CHODL: variants seen among roughly 807,000 people sequenced by gnomAD.
CHODL encodes chondrolectin, also known as transmembrane protein MT75.
A neutral mutation model predicts 34.5 loss-of-function variants in CHODL; 29 were observed. The ratio of observed to expected loss-of-function variants is 0.84; its 90% CI spans 0.63 to 1.15. The LOEUF is 1.15. Among genes scored for constraint, CHODL ranks in the 50% most tolerant of loss-of-function variants. The probability of loss-of-function intolerance (pLI) is 0.00; values close to 1 mark genes in which losing one functional copy is unlikely to be tolerated. For missense variants in CHODL, 332 were observed against 332.5 expected (o/e 1.00, Z 0.01); for synonymous variants, 125 against 116.1 (o/e 1.08, Z -0.49).
At chr21:18,193,745 A>C (rs955370243) in intron 2 of CHODL, among the ~76,000 whole-genome samples, 1 of 150,882 alleles carries the variant, frequency 6.6e-6, no homozygotes, top group Admixed American at 6.6e-5. Flanking sequence ...ATAAATAAAT[A>C]AAAAATAAAC....
At chr21:18,094,257 A>G (rs2146533915) in intron 2 of CHODL, among the ~76,000 whole-genome samples, 1 of 152,310 alleles carries the variant, frequency 6.6e-6, no homozygotes, top group South Asian at 2.1e-4. Flanking sequence ...ATATATCTCA[A>G]TACAATAATA....
intron 2 of CHODL, among the ~76,000 whole-genome samples, chr21:18,083,022 A>G (rs957626453): frequency 2.6e-5 from 4 of 152,208 alleles, no homozygotes; most frequent in African/African-American, 9.6e-5. Context: ...CAATGGAGAA[A>G]ATGTCTCCAG....
At chr21:18,226,079 A>T (rs1601170221) in intron 2 of CHODL, among the ~76,000 whole-genome samples, 1 of 152,114 alleles carries the variant, frequency 6.6e-6, no homozygotes, top group Admixed American at 6.6e-5. Context: ...AAAAGATGTC[A>T]GACAGGAGCC....
At chr21:18,002,890 G>T (rs904009253) in intron 1 of CHODL, among the ~76,000 whole-genome samples, 3 of 152,132 alleles carry the variant, frequency 2.0e-5, no homozygotes, top group Non-Finnish European at 4.4e-5. Flanking sequence ...TTGGGAGGCC[G>T]AGGCGGGCGG....
At chr21:18,152,683 G>C (rs867626493) in intron 2 of CHODL, among the ~76,000 whole-genome samples, 15 of 152,180 alleles carry the variant, frequency 9.9e-5, no homozygotes, top group African/African-American at 3.4e-4. Flanking sequence ...TTGCTAAGAT[G>C]AATCTTACAT....
At chr21:18,049,434 TATA>T (rs2064485988) in intron 2 of CHODL, among the ~76,000 whole-genome samples, 1 of 152,018 alleles carries the variant, frequency 6.6e-6, no homozygotes, top group African/African-American at 2.4e-5. Flanking sequence ...GACTCAGATG[TATA>T]ACAATACTAC....
rs145354740 is a variant in CHODL, at chr21:17,918,804, C to T, written c.-145+1404C>T. Among the ~76,000 whole-genome samples the T allele has an allele frequency of 8.0e-3, 1,223 of 152,238 alleles. 19 individuals are homozygous for T. Among genetic ancestry groups the T allele is most frequent in the African/African-American group, 0.027 (1,122 of 41,504 alleles). Reference sequence around the variant, plus strand: ...CGGTAAGGCAAGTCACTTCTGCCTACGAGCCTGTAAAATCAAAAGCAGGTT... The same window carrying T: ...CGGTAAGGCAAGTCACTTCTGCCTATGAGCCTGTAAAATCAAAAGCAGGTT... On this transcript the variant is annotated intron_variant, in intron 1 of 6. Coordinates refer to the CHODL transcript ENST00000400127.
chr21:18,020,843 AC>A (rs2064121473), intron 1 of CHODL, among the ~76,000 whole-genome samples: 1 of 152,132 alleles, frequency 6.6e-6, no homozygotes, highest in South Asian at 2.1e-4. Context: ...GGTGGCACAT[AC>A]CTGTAATCCC....
At chr21:17,999,958 G>A (rs993585526) in intron 1 of CHODL, among the ~76,000 whole-genome samples, 3 of 152,172 alleles carry the variant, frequency 2.0e-5, no homozygotes, top group African/African-American at 7.2e-5. Context: ...AAGATGAGGA[G>A]AGAAATACTC....
chr21:17,917,878 T>C (rs552842273), intron 1 of CHODL, among the ~76,000 whole-genome samples: 3 of 149,046 alleles, frequency 2.0e-5, no homozygotes, highest in Admixed American at 2.0e-4. Context: ...CTGATATGCG[T>C]GTGTGTGTGT....
intron 2 of CHODL, among the ~76,000 whole-genome samples, chr21:18,211,916 G>T (rs566153676): frequency 6.1e-4 from 92 of 151,730 alleles, no homozygotes; most frequent in African/African-American, 2.2e-3. Flanking sequence ...ATGAATATAT[G>T]AGAGTCTATC....
At chr21:18,231,251 C>T (rs2073975850) in intron 2 of CHODL, among the ~76,000 whole-genome samples, 1 of 152,132 alleles carries the variant, frequency 6.6e-6, no homozygotes, top group African/African-American at 2.4e-5. Context: ...CCTGCCAGCC[C>T]ACTAAAATGC....
chr21:18,218,098 A>G (rs78621396), intron 2 of CHODL, among the ~76,000 whole-genome samples: 7,386 of 152,200 alleles, frequency 0.049, 224 homozygotes, highest in Non-Finnish European at 0.067. Context: ...CTACCATTTG[A>G]GGTCTGGAGG....
At chr21:18,187,934 G>C (rs536915908) in intron 2 of CHODL, among the ~76,000 whole-genome samples, 2 of 152,060 alleles carry the variant, frequency 1.3e-5, no homozygotes, top group South Asian at 4.2e-4. Context: ...TTCTTGAAAG[G>C]GTTCACCATA....
At chr21:18,068,822 G>A (rs1281058380) in intron 2 of CHODL, among the ~76,000 whole-genome samples, 2 of 150,678 alleles carry the variant, frequency 1.3e-5, no homozygotes, top group South Asian at 2.1e-4. Flanking sequence ...TTTTCCAGGT[G>A]TCAATCAATA....
chr21:18,078,095 C>T (rs2064888333), intron 2 of CHODL, among the ~76,000 whole-genome samples: 1 of 152,120 alleles, frequency 6.6e-6, no homozygotes, highest in African/African-American at 2.4e-5. Flanking sequence ...TCTTTCTGTG[C>T]CTAGCCTTCT....
At chr21:18,016,022 G>A (rs2064070003) in intron 1 of CHODL, among the ~76,000 whole-genome samples, 1 of 152,198 alleles carries the variant, frequency 6.6e-6, no homozygotes, top group African/African-American at 2.4e-5. Flanking sequence ...CCTGACTATG[G>A]TAGGAAAGAA....
intron 2 of CHODL, among the ~76,000 whole-genome samples, chr21:18,128,296 C>CAAAA (rs71189585): frequency 2.9e-4 from 8 of 28,058 alleles, no homozygotes; most frequent in Non-Finnish European, 3.7e-4. Flanking sequence ...GCAAGAGTCT[C>CAAAA]AAAAAAAAAA....
In CHODL at chr21:17,970,632, A is replaced by G. The variant is rs2063607098; in HGVS notation, c.-145+53232A>G. On this transcript the variant is annotated intron_variant, in intron 1 of 6. Coordinates refer to the CHODL transcript ENST00000400127. ...TATTTTAATAGGTTTTTGGTGAACT[A>G]GTGGTATTTGGTTGCATGAATAAGT... Among the ~76,000 whole-genome samples, 15 of 152,072 alleles carry G rather than the reference A, an allele frequency of 9.9e-5. 2 individuals are homozygous for G. The South Asian group carries it at 3.1e-3, about 32-fold the overall frequency.
Sources: gnomAD v4.1 joint callset for allele counts (sites outside exome capture counted in the v4.1 genomes callset) on GRCh38, gnomAD v4.1.1 for gene constraint, MANE v1.5 for transcripts, NCBI Gene and HGNC (gene_info 2026-07-23, HGNC 2026-07-21) for gene names.